The following TES variants were observed in gnomAD, a reference collection of about 807,000 sequenced individuals.
The protein encoded by TES is testin LIM domain protein.
A neutral mutation model predicts 48.2 loss-of-function variants in TES; 41 were observed. The observed-to-expected ratio is 0.85, with a 90% CI of 0.66 to 1.10. The LOEUF is 1.10. TES is among the 50% of genes least tolerant of loss of function. The probability of loss-of-function intolerance (pLI) is 0.00; values close to 1 mark genes in which losing one functional copy is unlikely to be tolerated. For missense variants in TES, 463 were observed against 515.1 expected (o/e 0.90, Z 0.98); for synonymous variants, 162 against 174.9 (o/e 0.93, Z 0.58).
intron 1 of TES, among the ~76,000 whole-genome samples, chr7:116,215,380 A>G (rs1402913300): frequency 6.6e-6 from 1 of 152,220 alleles, no homozygotes. Flanking sequence ...ATATTCCAAT[A>G]AAATCACCAT....
intron 1 of TES, among the ~76,000 whole-genome samples, chr7:116,220,924 G>A (rs1337173088): frequency 6.6e-6 from 1 of 152,068 alleles, no homozygotes; most frequent in East Asian, 1.9e-4. Context: ...ACAAATGTGT[G>A]GTAATCCTCT....
At chr7:116,216,712 GT>G (rs1445282503) in intron 1 of TES, among the ~76,000 whole-genome samples, 4 of 151,962 alleles carry the variant, frequency 2.6e-5, no homozygotes, top group Non-Finnish European at 5.9e-5. Context: ...TTTTCAACTT[GT>G]TTGTACTTAA....
rs925649856 is a variant in TES at position 116,258,644 on chromosome 7, C to T, written c.*1162C>T. On this transcript the variant is annotated 3_prime_UTR_variant, in exon 7 of 7. Coordinates refer to ENST00000358204, the MANE Select transcript of TES (RefSeq NM_015641.4). ...GCCTGTCCATGGATATATCAAATGT[C>T]TTCACTTGTATATTTTCATGGCTAG... is the stretch of plus-strand genomic sequence containing the variant. The T allele has an allele frequency of 6.6e-6, 1 of 152,558 alleles. No homozygotes were observed. Among genetic ancestry groups the T allele is most frequent in the South Asian group, 2.1e-4 (1 of 4,828 alleles). The allele number at this position is 152,558 out of a possible 1,614,324, so 9.5% of individuals were successfully genotyped here.
chr7:116,246,970 G>A lies in TES; in HGVS notation c.114-2050G>A, dbSNP rs528606092. ...CCCTTTTTTTTTTTTTTTTTTTTAA[G>A]CACTATGTCCTAGTGTCAAGTACAT... On this transcript the variant is annotated intron_variant, in intron 2 of 6. Transcript: ENST00000358204. 3.5e-4 allele frequency among the ~76,000 whole-genome samples: 31 copies of A among 89,704 alleles called. No individual in the cohort carries two copies. The South Asian group carries it at 0.012, about 34-fold the overall frequency. 58.8% of individuals were successfully genotyped at this position (89,704 alleles called of 152,430 possible).
intron 2 of TES, among the ~76,000 whole-genome samples, chr7:116,243,651 C>T (rs1799882191): frequency 6.6e-6 from 1 of 152,154 alleles, no homozygotes; most frequent in African/African-American, 2.4e-5. Context: ...CAACCTTCCC[C>T]ACTCCATACT....
chr7:116,239,543 A>G (rs1162859062), intron 2 of TES, among the ~76,000 whole-genome samples: 1 of 152,238 alleles, frequency 6.6e-6, no homozygotes, highest in African/African-American at 2.4e-5. Flanking sequence ...TTGAACTCAG[A>G]GTTTTCCAAA....
At chr7:116,252,113 G>GAT in intron 5 of TES, 138 bp downstream of exon 5, 1 of 1,021,578 alleles carries the variant, frequency 9.8e-7, no homozygotes, top group Non-Finnish European at 1.4e-6. Context: ...ATAAACTTCT[G>GAT]ATATCATTCA....
chr7:116,248,483 G>A (rs764196245), intron 2 of TES, among the ~76,000 whole-genome samples: 6 of 152,044 alleles, frequency 3.9e-5, no homozygotes, highest in African/African-American at 7.2e-5. Flanking sequence ...TAGCTATTCC[G>A]ACTGATGGAA....
chr7:116,230,455 C>A (rs539589686), intron 1 of TES, among the ~76,000 whole-genome samples: 15 of 152,322 alleles, frequency 9.8e-5, no homozygotes, highest in African/African-American at 2.6e-4. Context: ...TTTTCCAGAG[C>A]GGCCTACAGA....
intron 1 of TES, among the ~76,000 whole-genome samples, chr7:116,216,594 A>G (rs568655038): frequency 1.3e-5 from 2 of 151,888 alleles, no homozygotes; most frequent in East Asian, 1.9e-4. Flanking sequence ...TGAAGAACAT[A>G]TATGTATAAA....
chr7:116,243,902 C>T (rs924365980), intron 2 of TES: 1 of 152,158 alleles, frequency 6.6e-6, no homozygotes, highest in Non-Finnish European at 1.5e-5. Context: ...AGGAAGCAAA[C>T]ACATCCTTCT....
At chr7:116,232,475 A>G (rs1305664141) in intron 1 of TES, among the ~76,000 whole-genome samples, 1 of 152,242 alleles carries the variant, frequency 6.6e-6, no homozygotes, top group African/African-American at 2.4e-5. Context: ...GCATGAACAT[A>G]GTATGAATCA....
chr7:116,249,356 T>C, intron 3 of TES, 84 bp downstream of exon 3: 3 of 1,471,900 alleles, frequency 2.0e-6, no homozygotes, highest in Non-Finnish European at 2.8e-6. Flanking sequence ...CCTAATCAAC[T>C]TCACACATCC....
rs1800027482 is a variant in TES at position 116,252,304 on chromosome 7, T to C, written c.919-14T>C. The C allele has an allele frequency of 6.3e-7, 1 of 1,591,940 alleles. No homozygotes were observed. The highest frequency in any genetic ancestry group is 1.1e-5 in the South Asian group (1 of 88,652). On this transcript the variant is annotated splice_polypyrimidine_tract_variant and intron_variant, in intron 5 of 6. Transcript: ENST00000358204. The stretch of plus-strand genomic sequence containing the variant: ...TTATATAAAAATCCATCTTTATTTT[T>C]ATCTTCTTCCTAGCTGATATTCAGC...
At chr7:116,240,611 A>G (rs1799833677) in intron 2 of TES, among the ~76,000 whole-genome samples, 1 of 152,134 alleles carries the variant, frequency 6.6e-6, no homozygotes, top group Non-Finnish European at 1.5e-5. Flanking sequence ...GAGCTTCCCA[A>G]TCTGCCAATC....
chr7:116,231,480 A>G (rs543231596), intron 1 of TES, among the ~76,000 whole-genome samples: 1 of 140,886 alleles, frequency 7.1e-6, no homozygotes, highest in Non-Finnish European at 1.5e-5. Flanking sequence ...ACTTGGTTTT[A>G]TACATATTAC....
intron 1 of TES, among the ~76,000 whole-genome samples, chr7:116,234,053 A>C (rs1458948727): frequency 1.3e-5 from 2 of 152,182 alleles, no homozygotes; most frequent in African/African-American, 4.8e-5. Flanking sequence ...GGCATTCAAT[A>C]AGTGTATATT....
rs764249068 is a variant in TES at position 116,252,431 on chromosome 7, T to C, written c.1032T>C (p.Asn344=). 9.9e-6 allele frequency: 16 copies of C among 1,614,112 alleles called. No individual in the cohort carries two copies. Among genetic ancestry groups the C allele is most frequent in the African/African-American group, 1.3e-5 (1 of 74,932 alleles). The change falls in exon 6 of 7, where the codon AAT becomes AAC. Residue 344 remains asparagine (N), a synonymous_variant. Transcript: ENST00000358204. ...CTGGGGAGATATACGTGATGGTCAA[T>C]GACAAGCCCGTGTGCAAGCCCTGCT... The part of the protein sequence containing the change: ...ILAGEIYVMV[N]DKPVCKPCYV...
chr7:116,251,767 A>G lies in TES; in HGVS notation c.710A>G (p.Tyr237Cys), dbSNP rs919572460. The G allele has an allele frequency of 9.9e-6, 16 of 1,613,932 alleles. No individual in the cohort carries two copies. Among genetic ancestry groups the G allele is most frequent in the Admixed American group, 3.3e-5 (2 of 59,992 alleles). Reference sequence around the variant, plus strand: ...GGATGGCTTCCCTTTCAGTCCTGCTATTGCTGCAAACTGAGTATGAAAGAA... The same window carrying G: ...GGATGGCTTCCCTTTCAGTCCTGCTGTTGCTGCAAACTGAGTATGAAAGAA... ...AEHKRTQYSC[Y>C]CCKLSMKEGD... The change falls in exon 5 of 7, where the codon TAT becomes TGT. Residue 237 changes from tyrosine (Y) to cysteine (C), a missense_variant. Coordinates refer to ENST00000358204, the MANE Select transcript of TES (RefSeq NM_015641.4).
Sources: gnomAD v4.1 joint callset for allele counts (sites outside exome capture counted in the v4.1 genomes callset) on GRCh38, gnomAD v4.1.1 for gene constraint, MANE v1.5 for transcripts, NCBI Gene and HGNC (gene_info 2026-07-23, HGNC 2026-07-21) for gene names.